Variants in MIPEP observed in about 807,000 individuals in gnomAD.
The protein encoded by MIPEP is mitochondrial intermediate peptidase.
A neutral mutation model predicts 90.3 loss-of-function variants in MIPEP; 79 were observed. The observed-to-expected ratio is 0.87, with a 90% CI of 0.73 to 1.05. MIPEP has a LOEUF of 1.05. MIPEP is among the 50% of genes least tolerant of loss of function. MIPEP has a pLI of 0.00. For synonymous variants in MIPEP, 334 were observed against 315.8 expected, an observed-to-expected ratio of 1.06 and a Z score of -0.61; for missense variants, 940 against 905.6, an observed-to-expected ratio of 1.04 and a Z score of -0.49.
intron 16 of MIPEP, among the ~76,000 whole-genome samples, chr13:23,775,817 A>G (rs1398893947): frequency 6.6e-6 from 1 of 152,204 alleles, no homozygotes; most frequent in Non-Finnish European, 1.5e-5. Flanking sequence ...GATAAATCAA[A>G]TGGAGGAACT....
Position 23,805,931 on chromosome 13 carries a change from A to G in MIPEP, c.1848+19T>C, listed in dbSNP as rs1289225244. On this transcript the variant is annotated intron_variant, in intron 16 of 18. Transcript: ENST00000382172. Reference sequence around the variant, plus strand: ...AGAACCACTCAATACACAAAACAGAAGCCAAATGCTGGACTCACAGTATTT... The same window carrying G: ...AGAACCACTCAATACACAAAACAGAGGCCAAATGCTGGACTCACAGTATTT... 4 of 1,612,468 alleles carry G rather than the reference A, an allele frequency of 2.5e-6. No homozygotes were observed. In the African/African-American group the frequency reaches 5.3e-5, roughly 22 times the overall value.
rs1831265691 is a variant in MIPEP at position 23,805,945 on chromosome 13, C to G, written c.1848+5G>C. 24 of 1,613,378 alleles carry G rather than the reference C, an allele frequency of 1.5e-5. No homozygotes were observed. The highest frequency in any genetic ancestry group is 2.0e-5 in the Non-Finnish European group (24 of 1,179,654). ...CACAAAACAGAAGCCAAATGCTGGA[C>G]TCACAGTATTTGGAACATATGGTAG... is the stretch of plus-strand genomic sequence containing the variant. On this transcript the variant is annotated splice_donor_5th_base_variant and intron_variant, in intron 16 of 18. Transcript: ENST00000382172.
chr13:23,815,324 GTT>G (rs869118675), intron 14 of MIPEP, among the ~76,000 whole-genome samples: 1 of 10,070 alleles, frequency 9.9e-5, no homozygotes, highest in Non-Finnish European at 4.1e-4. Flanking sequence ...CTGATTTTTT[GTT>G]TTTTTTTGAG....
chr13:23,819,059 T>C (rs1475582774), intron 14 of MIPEP, among the ~76,000 whole-genome samples: 1 of 152,262 alleles, frequency 6.6e-6, no homozygotes, highest in Non-Finnish European at 1.5e-5. Context: ...GAAATATGAA[T>C]GTGTTTCACT....
intron 5 of MIPEP, among the ~76,000 whole-genome samples, chr13:23,873,617 A>T (rs1305559707): frequency 5.9e-5 from 9 of 152,170 alleles, no homozygotes; most frequent in Non-Finnish European, 8.8e-5. Context: ...CCTTTAGAAC[A>T]GCCCGGGTGT....
chr13:23,775,109 C>G (rs1211312699), intron 16 of MIPEP, among the ~76,000 whole-genome samples: 3 of 149,092 alleles, frequency 2.0e-5, no homozygotes, highest in African/African-American at 2.5e-5. Context: ...TATCAGTTCT[C>G]TGTGTGTGTG....
chr13:23,841,724 C>A (rs976629666), intron 10 of MIPEP, among the ~76,000 whole-genome samples: 3 of 152,150 alleles, frequency 2.0e-5, no homozygotes, highest in Non-Finnish European at 2.9e-5. Context: ...CATTCCCTAA[C>A]CTTTGTCCCT....
chr13:23,808,595 AAGAAAATTAT>A (rs1007020723), intron 15 of MIPEP, among the ~76,000 whole-genome samples: 1 of 152,170 alleles, frequency 6.6e-6, no homozygotes, highest in African/African-American at 2.4e-5. Flanking sequence ...TCCATTTTAA[AAGAAAATTAT>A]CAGAACACTT....
intron 14 of MIPEP, among the ~76,000 whole-genome samples, chr13:23,814,650 A>C (rs1953213847): frequency 6.6e-6 from 1 of 152,242 alleles, no homozygotes; most frequent in African/African-American, 2.4e-5. Flanking sequence ...TATGGTAAAG[A>C]ACAACTGTGC....
At chr13:23,835,024 C>CTTTTTTT (rs57093490) in intron 14 of MIPEP, among the ~76,000 whole-genome samples, 1 of 134,796 alleles carries the variant, frequency 7.4e-6, no homozygotes, top group African/African-American at 2.8e-5. Flanking sequence ...ATCCATTATT[C>CTTTTTTT]TTTTTTTTTT....
chr13:23,815,282 G>A (rs1203718263), intron 14 of MIPEP, among the ~76,000 whole-genome samples: 4 of 151,280 alleles, frequency 2.6e-5, no homozygotes, highest in Non-Finnish European at 5.9e-5. Flanking sequence ...TAACAATCAA[G>A]TTCTAAATAA....
intron 16 of MIPEP, among the ~76,000 whole-genome samples, chr13:23,780,884 CGAGAA>C (rs1354142182): frequency 6.6e-6 from 1 of 151,468 alleles, no homozygotes; most frequent in South Asian, 2.1e-4. Flanking sequence ...TGAAATGAAG[CGAGAA>C]GAGAAGTTTA....
intron 18 of MIPEP, chr13:23,747,397 G>A (rs947975664): frequency 2.6e-5 from 9 of 347,158 alleles, no homozygotes; most frequent in South Asian, 1.2e-4. Flanking sequence ...AATGGATAGC[G>A]GACCCCCTTT....
intron 4 of MIPEP, among the ~76,000 whole-genome samples, chr13:23,876,121 G>A (rs1300043451): frequency 3.3e-5 from 5 of 152,112 alleles, no homozygotes; most frequent in African/African-American, 1.2e-4. Flanking sequence ...TATGCACATT[G>A]ATATATATTA....
intron 16 of MIPEP, among the ~76,000 whole-genome samples, chr13:23,786,443 A>G (rs938351394): frequency 4.6e-5 from 7 of 152,200 alleles, no homozygotes; most frequent in Admixed American, 2.0e-4. Flanking sequence ...AACAACATAC[A>G]AGCAAAACAA....
intron 10 of MIPEP, among the ~76,000 whole-genome samples, chr13:23,853,150 A>C (rs1168517981): frequency 1.3e-5 from 2 of 152,230 alleles, no homozygotes; most frequent in Non-Finnish European, 2.9e-5. Context: ...ATTATTGAAG[A>C]AAGAACCATA....
chr13:23,850,537 G>T (rs1305451966), intron 10 of MIPEP, among the ~76,000 whole-genome samples: 1 of 152,166 alleles, frequency 6.6e-6, no homozygotes, highest in Admixed American at 6.5e-5. Context: ...GTGCAGATCA[G>T]CAACACAGTT....
At chr13:23,853,738 T>A (rs1006280168) in intron 10 of MIPEP, among the ~76,000 whole-genome samples, 10 of 151,936 alleles carry the variant, frequency 6.6e-5, no homozygotes, top group African/African-American at 2.4e-4. Context: ...TTTTTTGTTG[T>A]TGTATTTTTA....
intron 2 of MIPEP, among the ~76,000 whole-genome samples, chr13:23,882,380 G>C (rs1871306351): frequency 6.6e-6 from 1 of 151,798 alleles, no homozygotes; most frequent in African/African-American, 2.4e-5. Flanking sequence ...ACATAGTATA[G>C]TTTCAAAACC....
Sources: gnomAD v4.1 joint callset for allele counts (sites outside exome capture counted in the v4.1 genomes callset) on GRCh38, gnomAD v4.1.1 for gene constraint, MANE v1.5 for transcripts, NCBI Gene and HGNC (gene_info 2026-07-23, HGNC 2026-07-21) for gene names.